Variants in MCM10 observed in about 807,000 individuals in gnomAD.
The protein encoded by MCM10 is protein MCM10 homolog.
A neutral mutation model predicts 109.9 loss-of-function variants in MCM10; 91 were observed. The observed-to-expected ratio is 0.83, with a 90% CI of 0.70 to 0.99. The LOEUF (loss-of-function observed/expected upper bound fraction) is 0.99. MCM10 is among the 50% of genes least tolerant of loss of function. The probability of loss-of-function intolerance (pLI) is 0.00; values close to 1 mark genes in which losing one functional copy is unlikely to be tolerated. For missense variants in MCM10, 1,077 were observed against 1,061.2 expected (o/e 1.01, Z -0.21); for synonymous variants, 380 against 387.2 (o/e 0.98, Z 0.22).
In MCM10 at chr10:13,198,770, T is replaced by C; in HGVS notation, c.2201T>C (p.Leu734Pro). ...YLESEEFQKI[L>P]KAKSKHTGIL... is the part of the protein sequence containing the mutation. ...GAATCTGAGGAATTTCAGAAAATCC[T>C]AAAAGCAAAATCAAAACACACAGGC... The change falls in exon 16 of 20, where the codon CTA (leucine) becomes CCA (proline). Residue 734 changes from leucine to proline, a missense_variant. By Grantham distance (98) the Leu-to-Pro change is moderately conservative. Transcript: ENST00000378714. 6.2e-7 allele frequency: 1 copy of C among 1,613,624 alleles called. No individual in the cohort carries two copies. Among genetic ancestry groups the C allele is most frequent in the Middle Eastern group, 1.7e-4 (1 of 6,060 alleles).
chr10:13,198,353 A>G (rs534901144), intron 15 of MCM10, among the ~76,000 whole-genome samples: 5 of 152,320 alleles, frequency 3.3e-5, no homozygotes, highest in African/African-American at 1.2e-4. Flanking sequence ...TTAAATTGCC[A>G]TATCTTTATT....
intron 2 of MCM10, among the ~76,000 whole-genome samples, chr10:13,168,405 A>G (rs1050514931): frequency 6.6e-6 from 1 of 151,892 alleles, no homozygotes; most frequent in Non-Finnish European, 1.5e-5. Flanking sequence ...GGTGGAAAGG[A>G]TATTGGTTTG....
At chr10:13,204,589 G>A (rs973685082) in intron 18 of MCM10, 4 of 459,918 alleles carry the variant, frequency 8.7e-6, no homozygotes, top group Non-Finnish European at 1.1e-5. Context: ...CCCATAAGGG[G>A]TCCTCAGAAG....
chr10:13,164,735 A>G (rs1446479260), intron 2 of MCM10, among the ~76,000 whole-genome samples: 1 of 152,190 alleles, frequency 6.6e-6, no homozygotes, highest in Non-Finnish European at 1.5e-5. Flanking sequence ...CCTAGAAAAG[A>G]GATGTTGCAC....
rs2131595330 is a variant in MCM10, at chr10:13,210,593, A to C, written c.*1283A>C. 1 of 152,338 alleles carries C rather than the reference A, an allele frequency of 6.6e-6. No homozygotes were observed. Among genetic ancestry groups the C allele is most frequent in the East Asian group, 1.9e-4 (1 of 5,192 alleles). 9.4% of individuals were successfully genotyped at this position (152,338 alleles called of 1,614,324 possible). ...GAGATGGTTGATTTAGGTTTTCAAA[A>C]GCTAGAAATAAAATTTACATGCCTT... On this transcript the variant is annotated 3_prime_UTR_variant, in exon 20 of 20. Coordinates refer to ENST00000378714, the MANE Select transcript of MCM10 (RefSeq NM_018518.5).
intron 5 of MCM10, 123 bp from the exon 6 acceptor site, chr10:13,175,387 C>T (rs530202021): frequency 6.6e-6 from 5 of 757,552 alleles, no homozygotes; most frequent in South Asian, 4.8e-5. Flanking sequence ...CACCATTGCA[C>T]TCCTGCCTGG....
chr10:13,208,095 C>A (rs1369753335), intron 18 of MCM10, among the ~76,000 whole-genome samples: 2 of 152,138 alleles, frequency 1.3e-5, no homozygotes, highest in Admixed American at 6.5e-5. Context: ...AAAACTAGAG[C>A]AAGAAGGGCT....
In MCM10 at chr10:13,209,556, T is replaced by A; in HGVS notation, c.*246T>A. ...CTAAGCTCAGTGTGGATGATTGCAT[T>A]ACTTCATTCACTGAAGTTTTTGCCC... is the stretch of plus-strand genomic sequence containing the variant. On this transcript the variant is annotated 3_prime_UTR_variant, in exon 20 of 20. Coordinates refer to ENST00000378714, the MANE Select transcript of MCM10 (RefSeq NM_018518.5). The A allele has an allele frequency of 1.9e-6, 1 of 533,460 alleles. No individual in the cohort carries two copies. The highest frequency in any genetic ancestry group is 2.4e-5 in the South Asian group (1 of 41,094). The allele number at this position is 533,460 out of a possible 1,614,324, so 33.0% of individuals were successfully genotyped here. A position where few individuals can be genotyped will look rare whatever the true frequency, so the allele number is the denominator to read the frequency against.
At chr10:13,189,179 C>T in intron 10 of MCM10, 99 bp downstream of exon 10, 3 of 1,280,348 alleles carry the variant, frequency 2.3e-6, no homozygotes, top group Non-Finnish European at 3.3e-6. Context: ...GATACTTGTA[C>T]AGGTTTTATC....
At chr10:13,201,669 G>A in intron 17 of MCM10, 135 bp downstream of exon 17, 4 of 669,668 alleles carry the variant, frequency 6.0e-6, no homozygotes, top group South Asian at 5.5e-5. Flanking sequence ...AAAGCAAAGG[G>A]CGCAGGTGGC....
intron 17 of MCM10, 102 bp from the exon 18 acceptor site, chr10:13,204,117 G>A: frequency 7.1e-7 from 1 of 1,417,234 alleles, no homozygotes; most frequent in East Asian, 2.3e-5. Context: ...AGGTAGTGAT[G>A]AGAGACCAGG....
rs943919726 is a variant in MCM10, at chr10:13,204,397, G to T, written c.2498+33G>T. On this transcript the variant is annotated intron_variant, in intron 18 of 19. Transcript: ENST00000378714. ...AATCACCTGGAGCTCTTTGTCCCAC[G>T]TGGGGATTTTCATCTCTTTTTCCAG... is the stretch of plus-strand genomic sequence containing the variant. The T allele has an allele frequency of 5.0e-6, 8 of 1,609,376 alleles. No individual in the cohort carries two copies. The East Asian group carries it at 8.9e-5, about 18-fold the overall frequency.
intron 14 of MCM10, 40 bp from the exon 15 acceptor site, chr10:13,197,583 C>A: frequency 6.3e-7 from 1 of 1,594,226 alleles, no homozygotes; most frequent in Non-Finnish European, 8.5e-7. Context: ...CCTCTGTCAT[C>A]TTTTAGATCT....
Position 13,201,459 on chromosome 10 carries a change from G to C in MCM10, c.2277G>C (p.Leu759=). 1 of 1,613,236 alleles carries C rather than the reference G, an allele frequency of 6.2e-7. No homozygotes were observed. The highest frequency in any genetic ancestry group is 8.5e-7 in the Non-Finnish European group (1 of 1,179,640). Residue 759 remains leucine (L), a synonymous_variant, in exon 17 of 20, where the codon CTG becomes CTC. Transcript: ENST00000378714. ...AEMQERYFEP[L]VKKEQMEEKM... Reference sequence around the variant, plus strand: ...TGCAGGAGCGCTACTTTGAGCCACTGGTGAAAAAAGAACAAATGGAAGAAA... The same window carrying C: ...TGCAGGAGCGCTACTTTGAGCCACTCGTGAAAAAAGAACAAATGGAAGAAA...
chr10:13,204,174 A>C, intron 17 of MCM10, 45 bp from the exon 18 acceptor site: 1 of 1,599,662 alleles, frequency 6.3e-7, no homozygotes, highest in Non-Finnish European at 8.5e-7. Context: ...ATTTGTCCTC[A>C]AAGGCTCTTC....
In MCM10 at chr10:13,182,801, T is replaced by G; in HGVS notation, c.931-132T>G. The G allele has an allele frequency of 1.6e-6, 1 of 639,572 alleles. No homozygotes were observed. The highest frequency in any genetic ancestry group is 1.8e-5 in the African/African-American group (1 of 54,798). The allele number at this position is 639,572 out of a possible 1,614,324, so 39.6% of individuals were successfully genotyped here. On this transcript the variant is annotated intron_variant, in intron 7 of 19. Coordinates refer to ENST00000378714, the MANE Select transcript of MCM10 (RefSeq NM_018518.5). This position sits in a 1 kb window ranked among gnomAD's most constrained non-coding sequence, Gnocchi z 4.2. ...TATCACACATGCTGATGATACATAT[T>G]TGAATAACAACAAAAAAACTTGGAT...
intron 13 of MCM10, among the ~76,000 whole-genome samples, chr10:13,193,376 T>A (rs954197312): frequency 7.2e-5 from 11 of 152,018 alleles, no homozygotes; most frequent in African/African-American, 2.4e-4. Flanking sequence ...TCAGGTCACC[T>A]GAATACTAAT....
intron 2 of MCM10, 123 bp from the exon 3 acceptor site, chr10:13,170,799 G>GT (rs1270907078): frequency 1.4e-6 from 1 of 718,608 alleles, no homozygotes; most frequent in African/African-American, 1.8e-5. Flanking sequence ...CATCACCCAG[G>GT]TAATGAGCAT....
At chr10:13,175,763 A>G (rs1834134781) in intron 6 of MCM10, 82 bp downstream of exon 6, 5 of 946,254 alleles carry the variant, frequency 5.3e-6, no homozygotes, top group Non-Finnish European at 6.4e-6. Context: ...TAGTGTGTTT[A>G]TACATCAGGA....
Sources: gnomAD v4.1 joint callset for allele counts (sites outside exome capture counted in the v4.1 genomes callset) on GRCh38, gnomAD v4.1.1 for gene constraint, Gnocchi (gnomAD v3.1) non-coding constraint, MANE v1.5 for transcripts, NCBI Gene and HGNC (gene_info 2026-07-23, HGNC 2026-07-21) for gene names.